The following EPC2 variants were observed in gnomAD, a reference collection of about 807,000 sequenced individuals.
The protein encoded by EPC2 is enhancer of polycomb 2.
Under a neutral mutation model 92.1 loss-of-function variants are expected in EPC2, and 14 were observed. The observed-to-expected ratio is 0.15, with a 90% CI of 0.10 to 0.24. EPC2 has a LOEUF of 0.24. Among genes scored for constraint, EPC2 ranks in the 10% least tolerant of loss-of-function variants. The probability of loss-of-function intolerance (pLI) is 1.00; values close to 1 mark genes in which losing one functional copy is unlikely to be tolerated. For synonymous variants in EPC2, 340 were observed against 334.7 expected, an observed-to-expected ratio of 1.02 and a Z score of -0.17; for missense variants, 755 against 971.5, an observed-to-expected ratio of 0.78 and a Z score of 2.96.
intron 1 of EPC2, among the ~76,000 whole-genome samples, chr2:148,665,946 A>G (rs1038859897): frequency 3.3e-5 from 5 of 152,222 alleles, no homozygotes; most frequent in African/African-American, 1.2e-4. Flanking sequence ...ACAAACATCA[A>G]TAATGCGACT....
intron 2 of EPC2, among the ~76,000 whole-genome samples, chr2:148,736,590 A>T (rs940178411): frequency 2.0e-5 from 3 of 152,328 alleles, no homozygotes; most frequent in Admixed American, 6.5e-5. Context: ...CACTTAAAAA[A>T]TTTTGAGATA....
chr2:148,686,235 C>G (rs1681521042), intron 1 of EPC2, among the ~76,000 whole-genome samples: 1 of 152,218 alleles, frequency 6.6e-6, no homozygotes, highest in Admixed American at 6.5e-5. Flanking sequence ...GCAGTAAATT[C>G]CATCTCAAGA....
At chr2:148,736,346 G>GT (rs1012525900) in intron 2 of EPC2, among the ~76,000 whole-genome samples, 3 of 151,732 alleles carry the variant, frequency 2.0e-5, no homozygotes, top group African/African-American at 2.4e-5. Context: ...TGCTCTTGAG[G>GT]TTTTTTTTGA....
chr2:148,762,719 A>G lies in EPC2; in HGVS notation c.865A>G (p.Ser289Gly). Residue 289 changes from serine to glycine, a missense_variant, in exon 6 of 14, where the codon AGT becomes GGT. By Grantham distance (56) the Ser-to-Gly change is moderately conservative. Coordinates refer to ENST00000258484, the MANE Select transcript of EPC2 (RefSeq NM_015630.4). The stretch of plus-strand genomic sequence containing the variant: ...TGAAATCCTTAATGAAGTAAAAATC[A>G]GTAGATCAGAAAAAGAGTTATATGC... ...GGEILNEVKI[S>G]RSEKELYATP... 1 of 1,610,390 alleles carries G rather than the reference A, an allele frequency of 6.2e-7. No individual in the cohort carries two copies. The highest frequency in any genetic ancestry group is 8.5e-7 in the Non-Finnish European group (1 of 1,178,090).
intron 2 of EPC2, among the ~76,000 whole-genome samples, chr2:148,737,923 C>T (rs1682798596): frequency 6.6e-6 from 1 of 152,076 alleles, no homozygotes; most frequent in African/African-American, 2.4e-5. Context: ...GGGCCATGAG[C>T]TGGAGAAGCC....
chr2:148,709,872 T>G (rs1000479316), intron 2 of EPC2, among the ~76,000 whole-genome samples: 2 of 151,670 alleles, frequency 1.3e-5, no homozygotes, highest in Non-Finnish European at 3.0e-5. Context: ...ACTTAAATGT[T>G]AGACCTAAAA....
At chr2:148,663,183 A>G (rs1680974630) in intron 1 of EPC2, among the ~76,000 whole-genome samples, 1 of 136,878 alleles carries the variant, frequency 7.3e-6, no homozygotes, top group African/African-American at 2.6e-5. Flanking sequence ...AAAGGTATCT[A>G]CTGTGTTTTT....
chr2:148,722,568 T>TG (rs1335700443), intron 2 of EPC2, among the ~76,000 whole-genome samples: 2 of 152,242 alleles, frequency 1.3e-5, no homozygotes, highest in African/African-American at 4.8e-5. Flanking sequence ...GCTCATGCAC[T>TG]GCGGGTAGGA....
chr2:148,754,693 ACAGT>A (rs1239297476), intron 4 of EPC2, among the ~76,000 whole-genome samples: 2 of 152,090 alleles, frequency 1.3e-5, no homozygotes, highest in Admixed American at 6.5e-5. Flanking sequence ...TCTTCTGCAA[ACAGT>A]CAGAAGTAAG....
chr2:148,744,539 A>G (rs935754630), intron 3 of EPC2, among the ~76,000 whole-genome samples: 3 of 152,214 alleles, frequency 2.0e-5, no homozygotes, highest in South Asian at 2.1e-4. Flanking sequence ...TTATGTGGAA[A>G]ACTTTGAGGT....
chr2:148,726,065 C>CT (rs1682488779), intron 2 of EPC2, among the ~76,000 whole-genome samples: 1 of 152,108 alleles, frequency 6.6e-6, no homozygotes, highest in South Asian at 2.1e-4. Flanking sequence ...CAGTATTTGT[C>CT]TTTTTGTGAC....
intron 2 of EPC2, among the ~76,000 whole-genome samples, chr2:148,743,267 G>T (rs940963075): frequency 1.3e-5 from 2 of 151,400 alleles, no homozygotes; most frequent in African/African-American, 4.9e-5. Flanking sequence ...ATTATACTCT[G>T]TTCTTGAGCT....
intron 2 of EPC2, among the ~76,000 whole-genome samples, chr2:148,699,531 T>C (rs1681832075): frequency 6.6e-6 from 1 of 152,226 alleles, no homozygotes; most frequent in Admixed American, 6.5e-5. Flanking sequence ...AATTATATAA[T>C]ACATAGCCTT....
chr2:148,721,890 C>CTTTTTTTTTTTTTTTTTTTTT, intron 2 of EPC2, among the ~76,000 whole-genome samples: 16 of 60,756 alleles, frequency 2.6e-4, no homozygotes, highest in East Asian at 1.4e-3. Flanking sequence ...GTTTTGATTT[C>CTTTTTTTTTTTTTTTTTTTTT]TTTTTTTTTT....
chr2:148,783,513 A>ATT lies in EPC2; in HGVS notation c.1858-84_1858-83insTT, dbSNP rs1683797382. The ATT allele has an allele frequency of 7.8e-6, 10 of 1,290,270 alleles. No individual in the cohort carries two copies. In the East Asian group the frequency reaches 2.5e-4, roughly 33 times the overall value. The allele number at this position is 1,290,270 out of a possible 1,614,324, so 79.9% of individuals were successfully genotyped here. A position where few individuals can be genotyped will look rare whatever the true frequency, so the allele number is the denominator to read the frequency against. ...AATTGTTCAAGGTTAGAAAGGCAAC[A>ATT]GCCTCTTGGGTTTGCCCCATCCCTT... On this transcript the variant is annotated intron_variant, in intron 11 of 13. Coordinates refer to ENST00000258484, the MANE Select transcript of EPC2 (RefSeq NM_015630.4).
chr2:148,720,261 G>T (rs866939680), intron 2 of EPC2, among the ~76,000 whole-genome samples: 1 of 152,208 alleles, frequency 6.6e-6, no homozygotes, highest in Non-Finnish European at 1.5e-5. Context: ...ACCCTTTCTC[G>T]TCTGGACCAT....
chr2:148,682,336 C>G (rs985766780), intron 1 of EPC2, among the ~76,000 whole-genome samples: 1 of 152,174 alleles, frequency 6.6e-6, no homozygotes, highest in African/African-American at 2.4e-5. Flanking sequence ...ACACTCCCAC[C>G]AACAGTGTAA....
chr2:148,645,872 C>G (rs753694309), intron 1 of EPC2, among the ~76,000 whole-genome samples: 3 of 152,218 alleles, frequency 2.0e-5, no homozygotes, highest in South Asian at 2.1e-4. Flanking sequence ...AGAGAGGAGC[C>G]GGGGATGCCC....
intron 1 of EPC2, among the ~76,000 whole-genome samples, chr2:148,679,988 A>T (rs1390787612): frequency 6.6e-6 from 1 of 152,152 alleles, no homozygotes; most frequent in Non-Finnish European, 1.5e-5. Context: ...ATTTGTAGTA[A>T]TACTTGAATG....
Sources: gnomAD v4.1 joint callset for allele counts (sites outside exome capture counted in the v4.1 genomes callset) on GRCh38, gnomAD v4.1.1 for gene constraint, MANE v1.5 for transcripts, NCBI Gene and HGNC (gene_info 2026-07-23, HGNC 2026-07-21) for gene names.